Variants in SKOR2 observed in about 807,000 individuals in gnomAD.
SKOR2 encodes the protein LBX1 corepressor 1-like protein.
In SKOR2, 47 loss-of-function variants were observed where a neutral mutation model predicts 69.1. The ratio of observed to expected loss-of-function variants is 0.68; its 90% CI spans 0.54 to 0.87. The LOEUF (loss-of-function observed/expected upper bound fraction) is 0.87. Among genes scored for constraint, SKOR2 ranks in the 40% least tolerant of loss-of-function variants. The pLI is 0.00. For missense variants in SKOR2, 1,404 were observed against 1,472.2 expected (o/e 0.95, Z 0.76); for synonymous variants, 717 against 672.6 (o/e 1.07, Z -1.02).
chr18:47,230,893 TA>T, intron 5 of SKOR2, 41 bp downstream of exon 5: 2 of 1,516,658 alleles, frequency 1.3e-6, no homozygotes, highest in Non-Finnish European at 8.8e-7. Context: ...CACAGTCGTT[TA>T]AAGCTAAGAG....
chr18:47,241,082 A>C (rs548267713), intron 4 of SKOR2, among the ~76,000 whole-genome samples: 1 of 152,288 alleles, frequency 6.6e-6, no homozygotes, highest in Non-Finnish European at 1.5e-5. Flanking sequence ...CTTCTTAGGT[A>C]ATCTGTCTCC....
intron 4 of SKOR2, among the ~76,000 whole-genome samples, chr18:47,234,250 T>A (rs2064211543): frequency 6.6e-6 from 1 of 151,088 alleles, no homozygotes; most frequent in Non-Finnish European, 1.5e-5. Context: ...ATGGTTTCCA[T>A]CTGGTTAAAA....
chr18:47,245,647 TAA>T, intron 2 of SKOR2, 86 bp from the exon 3 acceptor site: 1 of 1,265,772 alleles, frequency 7.9e-7, no homozygotes, highest in South Asian at 1.5e-5. Flanking sequence ...GAAGCATCAA[TAA>T]AAGTGACTCC....
intron 4 of SKOR2, among the ~76,000 whole-genome samples, chr18:47,233,462 G>A (rs1274206897): frequency 1.3e-5 from 2 of 152,196 alleles, no homozygotes; most frequent in Admixed American, 6.5e-5. Flanking sequence ...GAAGATACAT[G>A]CATATTATGT....
chr18:47,226,817 C>A (rs946096624), intron 6 of SKOR2, among the ~76,000 whole-genome samples: 3 of 152,212 alleles, frequency 2.0e-5, no homozygotes, highest in Admixed American at 6.5e-5. Flanking sequence ...ATCCTCTCCA[C>A]AACCCCAAGA....
At chr18:47,231,862 A>C (rs908739300) in intron 4 of SKOR2, among the ~76,000 whole-genome samples, 3 of 149,314 alleles carry the variant, frequency 2.0e-5, no homozygotes, top group Non-Finnish European at 4.5e-5. Flanking sequence ...AAAAAAAATC[A>C]ACTTAAAGCT....
chr18:47,236,050 T>G (rs1033765328), intron 4 of SKOR2, among the ~76,000 whole-genome samples: 1 of 152,142 alleles, frequency 6.6e-6, no homozygotes, highest in African/African-American at 2.4e-5. Flanking sequence ...ACTCACACAA[T>G]CCAGGCTCAC....
At chr18:47,237,163 A>G (rs563115434) in intron 4 of SKOR2, among the ~76,000 whole-genome samples, 2 of 152,330 alleles carry the variant, frequency 1.3e-5, no homozygotes, top group African/African-American at 2.4e-5. Context: ...ACTTGTTCCT[A>G]TATGTGAAAA....
Position 47,248,638 on chromosome 18 carries a change from C to G in SKOR2, c.546G>C (p.Ser182=). ...IKCSYCNMYF[S]PNKFIFHSHR... is the part of the protein sequence containing the mutation. ...GGGAGTGGAAAATGAACTTGTTGGG[C>G]GAGAAGTACATGTTGCAGTAGCTGC... The change falls in exon 2 of 9, where the codon TCG becomes TCC. Residue 182 remains serine, a synonymous_variant. Transcript: ENST00000425639. The surrounding 1 kb of genome is among the most constrained non-coding windows in gnomAD (Gnocchi z 6.4). 1 of 1,559,332 alleles carries G rather than the reference C, an allele frequency of 6.4e-7. No homozygotes were observed. The highest frequency in any genetic ancestry group is 8.6e-7 in the Non-Finnish European group (1 of 1,157,960).
At chr18:47,216,241 TG>T (rs1355841279) in intron 7 of SKOR2, among the ~76,000 whole-genome samples, 2 of 152,202 alleles carry the variant, frequency 1.3e-5, no homozygotes, top group African/African-American at 4.8e-5. Flanking sequence ...ACTTTTGTAT[TG>T]GTTCATAGGG....
At chr18:47,218,379 C>T (rs2064150625) in intron 7 of SKOR2, among the ~76,000 whole-genome samples, 1 of 151,782 alleles carries the variant, frequency 6.6e-6, no homozygotes, top group Non-Finnish European at 1.5e-5. Flanking sequence ...TGCTGGAGGC[C>T]AGAAGTTTAA....
chr18:47,220,489 A>T (rs1448703414), intron 6 of SKOR2, among the ~76,000 whole-genome samples: 4 of 152,130 alleles, frequency 2.6e-5, no homozygotes, highest in Admixed American at 1.3e-4. Context: ...ACTGCAGCTC[A>T]TCTCACTCCT....
At chr18:47,232,914 G>C (rs1325476229) in intron 4 of SKOR2, among the ~76,000 whole-genome samples, 1 of 152,112 alleles carries the variant, frequency 6.6e-6, no homozygotes, top group Non-Finnish European at 1.5e-5. Flanking sequence ...CTGCAAAGAG[G>C]GAAACAGAAT....
chr18:47,215,322 C>G (rs1292709889), intron 7 of SKOR2, among the ~76,000 whole-genome samples: 3 of 151,934 alleles, frequency 2.0e-5, no homozygotes, highest in Non-Finnish European at 4.4e-5. Flanking sequence ...GGATCTTCTT[C>G]TAAAAATATA....
intron 4 of SKOR2, among the ~76,000 whole-genome samples, chr18:47,241,756 T>C (rs1019046928): frequency 2.6e-5 from 4 of 152,218 alleles, no homozygotes; most frequent in African/African-American, 9.6e-5. Context: ...ATCCCTTCCA[T>C]GTTTCACCTG....
At chr18:47,210,265 G>T (rs1450008274) in intron 8 of SKOR2, among the ~76,000 whole-genome samples, 1 of 152,150 alleles carries the variant, frequency 6.6e-6, no homozygotes, top group Admixed American at 6.6e-5. Context: ...GTTATCAGGG[G>T]CTGGAAAGCT....
At chr18:47,246,236 A>C (rs1317016551) in intron 2 of SKOR2, among the ~76,000 whole-genome samples, 1 of 152,278 alleles carries the variant, frequency 6.6e-6, no homozygotes, top group East Asian at 1.9e-4. Flanking sequence ...TAGGGGAACA[A>C]ATGTGCTCAG....
At chr18:47,237,390 A>G (rs566230751) in intron 4 of SKOR2, among the ~76,000 whole-genome samples, 1 of 152,362 alleles carries the variant, frequency 6.6e-6, no homozygotes, top group Non-Finnish European at 1.5e-5. Context: ...TCCAACAGCA[A>G]AAATATTGTA....
intron 6 of SKOR2, among the ~76,000 whole-genome samples, chr18:47,229,274 G>A (rs1472801595): frequency 2.6e-5 from 4 of 152,144 alleles, no homozygotes; most frequent in South Asian, 2.1e-4. Flanking sequence ...TGAGTTTTGT[G>A]ATTTCTGGAT....
Sources: gnomAD v4.1 joint callset for allele counts (sites outside exome capture counted in the v4.1 genomes callset) on GRCh38, gnomAD v4.1.1 for gene constraint, Gnocchi (gnomAD v3.1) non-coding constraint, MANE v1.5 for transcripts, NCBI Gene and HGNC (gene_info 2026-07-23, HGNC 2026-07-21) for gene names.